The following ZNF717 variants were observed in gnomAD, a reference collection of about 807,000 sequenced individuals.
ZNF717 encodes the protein krueppel-like factor X17.
ZNF717 carries 9 observed loss-of-function variants against 13.8 expected under a neutral mutation model. That is an observed-to-expected ratio of 0.65 (90% CI 0.39 to 1.14). The LOEUF is 1.14. Among genes scored for constraint, ZNF717 ranks in the 50% most tolerant of loss-of-function variants. The pLI, the probability that ZNF717 is intolerant of heterozygous loss-of-function variation, is 0.01. For synonymous variants in ZNF717, 327 were observed against 364.1 expected, an observed-to-expected ratio of 0.90 and a Z score of 1.16; for missense variants, 1,040 against 1,080.7, an observed-to-expected ratio of 0.96 and a Z score of 0.53.
At chr3:75,719,403 C>A (rs1202990377) in intron 4 of ZNF717, among the ~76,000 whole-genome samples, 4 of 152,052 alleles carry the variant, frequency 2.6e-5, no homozygotes, top group Non-Finnish European at 5.9e-5. Flanking sequence ...GCAGCAAGCA[C>A]TAGGAATTTT....
chr3:75,760,879 TA>T (rs1296948903), intron 2 of ZNF717, among the ~76,000 whole-genome samples: 1 of 149,182 alleles, frequency 6.7e-6, no homozygotes, highest in East Asian at 2.0e-4. Flanking sequence ...TAAAGATCAA[TA>T]AAAATTTTAA....
rs1243165928 is a variant in ZNF717, at chr3:75,737,970, T to C, written c.1653A>G (p.Thr551=). ...GKTYSHKSYL[T]VHHRTHTGEK... is the part of the protein sequence containing the mutation. ...CCCCTGTGTGAGTTCTGTGATGTAC[T>C]GTAAGGTATGACTTGTGGCTATATG... The change falls in exon 5 of 5, where the codon ACA becomes ACG. Residue 551 remains threonine, a synonymous_variant. Coordinates refer to ENST00000652011, the MANE Select transcript of ZNF717 (RefSeq NM_001290208.3). 3 of 1,544,298 alleles carry C rather than the reference T, an allele frequency of 1.9e-6. No homozygotes were observed. The highest frequency in any genetic ancestry group is 2.5e-5 in the East Asian group (1 of 40,446).
At chr3:75,732,034 A>G, downstream of ZNF717, 1 of 702,462 alleles carries the variant, frequency 1.4e-6, no homozygotes, top group Non-Finnish European at 2.6e-6. Context: ...TCCAGTTATG[A>G]GGGAGCATAA....
At chr3:75,776,307 A>C (rs111370637) in intron 2 of ZNF717, among the ~76,000 whole-genome samples, 3 of 152,280 alleles carry the variant, frequency 2.0e-5, no homozygotes, top group Non-Finnish European at 2.9e-5. Context: ...TGGTTTGTCA[A>C]ACCTATATTC....
intron 4 of ZNF717, among the ~76,000 whole-genome samples, chr3:75,740,769 T>C (rs1324605190): frequency 1.4e-4 from 21 of 152,156 alleles, no homozygotes; most frequent in African/African-American, 5.1e-4. Flanking sequence ...AGTTCATCAT[T>C]ACAGTGAACT....
chr3:75,714,189 A>G (rs905698547), intron 5 of ZNF717, among the ~76,000 whole-genome samples: 1 of 151,494 alleles, frequency 6.6e-6, no homozygotes, highest in Middle Eastern at 3.2e-3. Flanking sequence ...GGCCCTCCAC[A>G]AGAGGTGGCA....
At position 75,767,562 on chromosome 3, in the gene ZNF717, A is replaced by G. The variant is rs114066453; in HGVS notation, c.57+15744T>C. Among the ~76,000 whole-genome samples, 1,452 of 152,322 alleles carry G rather than the reference A, an allele frequency of 9.5e-3. 16 individuals carry two copies. Among genetic ancestry groups the G allele is most frequent in the Admixed American group, 0.057 (874 of 15,270 alleles). ...ATTCATGCAAGCTGGAAGGGCATCA[A>G]GACTCTTGGTGAGGGCCTGAAGGAC... On this transcript the variant is annotated intron_variant, in intron 2 of 4. Transcript: ENST00000652011.
intron 2 of ZNF717, 99 bp from the exon 3 acceptor site, chr3:75,741,835 G>C: frequency 6.8e-7 from 1 of 1,478,618 alleles, no homozygotes; most frequent in Non-Finnish European, 9.1e-7. Flanking sequence ...CAGGTGAAGT[G>C]CACAGCCACA....
chr3:75,765,779 C>A (rs1233911945), intron 2 of ZNF717, among the ~76,000 whole-genome samples: 1 of 152,044 alleles, frequency 6.6e-6, no homozygotes, highest in Non-Finnish European at 1.5e-5. Flanking sequence ...TTTAATTAAC[C>A]CAAAAGAAGT....
intron 4 of ZNF717, 65 bp from the exon 5 acceptor site, chr3:75,739,410 A>G: frequency 7.6e-7 from 1 of 1,312,578 alleles, no homozygotes; most frequent in Non-Finnish European, 9.8e-7. Context: ...GCTTGTGTAA[A>G]GGTAAAAAAA....
At chr3:75,743,544 G>A (rs1415074330) in intron 2 of ZNF717, among the ~76,000 whole-genome samples, 1 of 152,172 alleles carries the variant, frequency 6.6e-6, no homozygotes, top group Non-Finnish European at 1.5e-5. Context: ...GGACAGAAAA[G>A]TTACATGACA....
At chr3:75,754,090 T>C (rs1166881436) in intron 2 of ZNF717, among the ~76,000 whole-genome samples, 1 of 152,250 alleles carries the variant, frequency 6.6e-6, no homozygotes, top group Non-Finnish European at 1.5e-5. Context: ...TGTCTGAATG[T>C]TTGACCTTCA....
chr3:75,712,955 A>G (rs183030665), intron 5 of ZNF717, among the ~76,000 whole-genome samples: 2 of 121,218 alleles, frequency 1.6e-5, no homozygotes, highest in Admixed American at 8.2e-5. Flanking sequence ...AGAATTATAT[A>G]TATTAGTTAG....
At chr3:75,718,417 G>A (rs1243088389) in intron 4 of ZNF717, among the ~76,000 whole-genome samples, 2 of 152,144 alleles carry the variant, frequency 1.3e-5, no homozygotes, top group Non-Finnish European at 2.9e-5. Context: ...GCCATCATTT[G>A]CTTAGTTAAG....
At chr3:75,772,004 C>G (rs1314459997) in intron 2 of ZNF717, among the ~76,000 whole-genome samples, 69 of 152,280 alleles carry the variant, frequency 4.5e-4, no homozygotes, top group African/African-American at 1.5e-3. Flanking sequence ...CCTGTCACCT[C>G]GCCCCCCTCC....
At chr3:75,703,601 A>G (rs1386546934) in intron 6 of ZNF717, among the ~76,000 whole-genome samples, 1 of 152,226 alleles carries the variant, frequency 6.6e-6, no homozygotes, top group African/African-American at 2.4e-5. Flanking sequence ...TTTCTTTTGA[A>G]TATCAACTGT....
intron 2 of ZNF717, among the ~76,000 whole-genome samples, chr3:75,770,620 C>CAGATG (rs1943808814): frequency 1.3e-5 from 2 of 152,172 alleles, no homozygotes; most frequent in East Asian, 3.9e-4. Flanking sequence ...GGCTTGACAC[C>CAGATG]AGATGAGCCT....
downstream of ZNF717, among the ~76,000 whole-genome samples, chr3:75,725,527 T>A (rs1938262060): frequency 6.6e-6 from 1 of 152,202 alleles, no homozygotes; most frequent in African/African-American, 2.4e-5. Flanking sequence ...GTCAAACTCA[T>A]AATAAGTCTC....
At chr3:75,777,648 G>GCTAAAAC (rs1452427866) in intron 2 of ZNF717, among the ~76,000 whole-genome samples, 3 of 151,420 alleles carry the variant, frequency 2.0e-5, no homozygotes, top group Admixed American at 2.0e-4. Flanking sequence ...GGAGTGATAT[G>GCTAAAAC]CTAAAACCGG....
Sources: allele counts gnomAD v4.1 joint callset (sites outside exome capture counted in the v4.1 genomes callset), GRCh38; gene constraint gnomAD v4.1.1; transcripts MANE v1.5; gene names NCBI Gene and HGNC (gene_info 2026-07-23, HGNC 2026-07-21).